VTI1A: variants seen among roughly 807,000 people sequenced by gnomAD.
VTI1A encodes the protein vesicle transport through interaction with t-SNAREs homolog 1A.
In VTI1A, 22 loss-of-function variants were observed where a neutral mutation model predicts 34.9. The observed-to-expected ratio is 0.63, with a 90% CI of 0.45 to 0.90. The LOEUF (loss-of-function observed/expected upper bound fraction) is 0.90. Ranked by LOEUF, VTI1A falls within the 40% of genes least tolerant of loss-of-function variation. The pLI is 0.00. For missense variants in VTI1A, 268 were observed against 275.6 expected (o/e 0.97, Z 0.20); for synonymous variants, 87 against 97.3 (o/e 0.89, Z 0.62).
chr10:112,476,449 A>G (rs1431544119), intron 3 of VTI1A, among the ~76,000 whole-genome samples: 2 of 152,184 alleles, frequency 1.3e-5, no homozygotes, highest in African/African-American at 4.8e-5. Flanking sequence ...TGATTTTTAA[A>G]TGAAATGCCT....
chr10:112,729,778 C>G lies in VTI1A; in HGVS notation c.560+60780C>G, dbSNP rs547266491. Reference sequence around the variant, plus strand: ...GGTGGGCACTCCATTTTCAAATCAGCTGATTGCAGGCTGGACACCCTTGGT... The same window carrying G: ...GGTGGGCACTCCATTTTCAAATCAGGTGATTGCAGGCTGGACACCCTTGGT... On this transcript the variant is annotated intron_variant, in intron 7 of 7. Coordinates refer to ENST00000393077, the MANE Select transcript of VTI1A (RefSeq NM_145206.4). Among the ~76,000 whole-genome samples, 4 of 152,314 alleles carry G rather than the reference C, an allele frequency of 2.6e-5. No homozygotes were observed. The South Asian group carries it at 8.3e-4, about 32-fold the overall frequency.
At chr10:112,643,983 G>C (rs1314940083) in intron 5 of VTI1A, among the ~76,000 whole-genome samples, 2 of 137,464 alleles carry the variant, frequency 1.5e-5, no homozygotes, top group Admixed American at 7.4e-5. Context: ...ATGAATAGGA[G>C]GTAAAAAAAA....
intron 1 of VTI1A, among the ~76,000 whole-genome samples, chr10:112,455,873 A>G (rs866206958): frequency 3.9e-5 from 6 of 152,242 alleles, no homozygotes; most frequent in Middle Eastern, 3.4e-3. Flanking sequence ...TTCCAATTTA[A>G]TTATTTTTTT....
At chr10:112,851,524 C>T in the VTI1A span, among the ~76,000 whole-genome samples, 11 of 152,206 alleles carry the variant, frequency 7.2e-5, no homozygotes, top group Admixed American at 6.5e-4. Flanking sequence ...ATGAAGTAGG[C>T]TGCTCTGTTT....
downstream of VTI1A, among the ~76,000 whole-genome samples, chr10:112,823,077 A>G (rs1853683138): frequency 6.6e-6 from 1 of 152,216 alleles, no homozygotes; most frequent in Non-Finnish European, 1.5e-5. Context: ...TGAATGCACC[A>G]TCACTGTGAA....
At chr10:112,688,587 T>C (rs925507245) in intron 7 of VTI1A, among the ~76,000 whole-genome samples, 6 of 148,296 alleles carry the variant, frequency 4.0e-5, no homozygotes, top group Non-Finnish European at 7.4e-5. Context: ...AGTGGCGCAA[T>C]CTTGGCTCAC....
intron 7 of VTI1A, among the ~76,000 whole-genome samples, chr10:112,756,986 C>T (rs1851303031): frequency 6.6e-6 from 1 of 150,728 alleles, no homozygotes; most frequent in Non-Finnish European, 1.5e-5. Context: ...GTCAAGGCTG[C>T]AGTGAGCCGA....
intron 5 of VTI1A, among the ~76,000 whole-genome samples, chr10:112,653,140 G>A (rs941197092): frequency 3.3e-5 from 5 of 152,156 alleles, no homozygotes; most frequent in Non-Finnish European, 7.3e-5. Flanking sequence ...GTCATGTTAC[G>A]AAGTCATTTA....
At chr10:112,757,904 C>T (rs1851341630) in intron 7 of VTI1A, among the ~76,000 whole-genome samples, 1 of 152,150 alleles carries the variant, frequency 6.6e-6, no homozygotes, top group Admixed American at 6.5e-5. Flanking sequence ...TTCCACTTGA[C>T]AGCATGTGAA....
At chr10:112,604,622 A>G (rs979531899) in intron 5 of VTI1A, among the ~76,000 whole-genome samples, 2 of 152,212 alleles carry the variant, frequency 1.3e-5, no homozygotes, top group African/African-American at 4.8e-5. Flanking sequence ...GGTTCTACAC[A>G]TCACCTCTTT....
At chr10:112,537,060 A>G (rs377588493) in intron 4 of VTI1A, among the ~76,000 whole-genome samples, 3 of 151,914 alleles carry the variant, frequency 2.0e-5, no homozygotes, top group Non-Finnish European at 2.9e-5. Context: ...GTTTCGCTCG[A>G]CAGCCACTCA....
intron 5 of VTI1A, among the ~76,000 whole-genome samples, chr10:112,652,972 C>T (rs896231008): frequency 2.0e-5 from 3 of 152,158 alleles, no homozygotes; most frequent in Non-Finnish European, 2.9e-5. Flanking sequence ...GCAACAAAAG[C>T]AGAGATTTGT....
intron 5 of VTI1A, among the ~76,000 whole-genome samples, chr10:112,583,581 C>T (rs924164085): frequency 6.6e-6 from 1 of 152,180 alleles, no homozygotes; most frequent in African/African-American, 2.4e-5. Context: ...TGGATTATTA[C>T]AATTTGCCTA....
At chr10:112,530,567 T>G (rs1277445424) in intron 4 of VTI1A, among the ~76,000 whole-genome samples, 1 of 152,220 alleles carries the variant, frequency 6.6e-6, no homozygotes, top group Admixed American at 6.5e-5. Flanking sequence ...AGAATTATAT[T>G]GATCAGTGAC....
intron 5 of VTI1A, among the ~76,000 whole-genome samples, chr10:112,630,513 A>G (rs1002274115): frequency 6.6e-6 from 1 of 152,198 alleles, no homozygotes; most frequent in Admixed American, 6.5e-5. Context: ...TGTTGTAGGT[A>G]TTAGTACTCC....
intron 7 of VTI1A, among the ~76,000 whole-genome samples, chr10:112,793,432 A>G (rs570335629): frequency 6.6e-6 from 1 of 152,336 alleles, no homozygotes; most frequent in South Asian, 2.1e-4. Context: ...ACTGCTAAGT[A>G]TTCCCCATTC....
chr10:112,772,280 G>C (rs1384458601), intron 7 of VTI1A, among the ~76,000 whole-genome samples: 1 of 152,192 alleles, frequency 6.6e-6, no homozygotes, highest in Admixed American at 6.5e-5. Context: ...TTGTGGTTTT[G>C]ATTTGCATTT....
At chr10:112,498,738 A>G (rs372980538) in intron 3 of VTI1A, among the ~76,000 whole-genome samples, 20 of 152,158 alleles carry the variant, frequency 1.3e-4, no homozygotes, top group African/African-American at 4.3e-4. Flanking sequence ...TAGAGTTTTG[A>G]CCACCATTTT....
At chr10:112,480,474 G>T (rs1389009151) in intron 3 of VTI1A, among the ~76,000 whole-genome samples, 1 of 152,100 alleles carries the variant, frequency 6.6e-6, no homozygotes, top group African/African-American at 2.4e-5. Flanking sequence ...GGTACAGATG[G>T]GATCGTACGT....
Sources: allele counts gnomAD v4.1 joint callset (sites outside exome capture counted in the v4.1 genomes callset), GRCh38; gene constraint gnomAD v4.1.1; transcripts MANE v1.5; gene names NCBI Gene and HGNC (gene_info 2026-07-23, HGNC 2026-07-21).